Variants in NEK11 observed in about 807,000 individuals in gnomAD.
NEK11 encodes NIMA related kinase 11.
NEK11 carries 72 observed loss-of-function variants against 80.7 expected under a neutral mutation model. That is an observed-to-expected ratio of 0.89 (90% CI 0.74 to 1.08). The LOEUF (loss-of-function observed/expected upper bound fraction) is 1.08. NEK11 is among the 50% of genes least tolerant of loss of function. The probability of loss-of-function intolerance (pLI) is 0.00; values close to 1 mark genes in which losing one functional copy is unlikely to be tolerated. For synonymous variants in NEK11, 251 were observed against 260.7 expected (o/e 0.96, Z 0.36); for missense variants, 764 against 763.6 (o/e 1.00, Z -0.01).
chr3:131,056,982 A>G (rs1469572930), intron 3 of NEK11, among the ~76,000 whole-genome samples: 2 of 149,916 alleles, frequency 1.3e-5, no homozygotes, highest in Non-Finnish European at 3.0e-5. Context: ...GGTGTGCTGC[A>G]CCCATTAACT....
intron 14 of NEK11, among the ~76,000 whole-genome samples, chr3:131,174,150 A>C (rs2092866901): frequency 6.6e-6 from 1 of 152,210 alleles, no homozygotes; most frequent in South Asian, 2.1e-4. Context: ...GCTATTGTGA[A>C]TAGTGCTATA....
intron 16 of NEK11, among the ~76,000 whole-genome samples, chr3:131,263,042 T>A (rs1217154226): frequency 6.6e-6 from 1 of 152,182 alleles, no homozygotes; most frequent in Non-Finnish European, 1.5e-5. Context: ...ATGTGCCACA[T>A]TTTTTTAAAT....
intron 17 of NEK11, among the ~76,000 whole-genome samples, chr3:131,334,033 C>T (rs1160222594): frequency 6.6e-6 from 1 of 152,104 alleles, no homozygotes; most frequent in Non-Finnish European, 1.5e-5. Context: ...ACTTTAACAC[C>T]CCACTGTCAA....
intron 5 of NEK11, among the ~76,000 whole-genome samples, chr3:131,110,347 T>C (rs2079906161): frequency 6.6e-6 from 1 of 152,150 alleles, no homozygotes; most frequent in Non-Finnish European, 1.5e-5. Flanking sequence ...TTAGCTAGGT[T>C]CACATCCCAA....
At chr3:131,168,501 C>T (rs1202627795) in intron 12 of NEK11, among the ~76,000 whole-genome samples, 4 of 150,124 alleles carry the variant, frequency 2.7e-5, no homozygotes, top group East Asian at 2.0e-4. Flanking sequence ...GGACTACAGG[C>T]GCCCGCCACT....
chr3:131,210,777 C>T (rs907593878), intron 14 of NEK11, among the ~76,000 whole-genome samples: 1 of 152,164 alleles, frequency 6.6e-6, no homozygotes, highest in Non-Finnish European at 1.5e-5. Flanking sequence ...TCTGTTTTAT[C>T]AGAAACTAAG....
At chr3:131,063,842 C>T (rs1242307556) in intron 3 of NEK11, among the ~76,000 whole-genome samples, 1 of 152,098 alleles carries the variant, frequency 6.6e-6, no homozygotes, top group East Asian at 1.9e-4. Context: ...ACCCAAAAGA[C>T]ATAAAAACAT....
chr3:131,191,270 G>A (rs2093782986), intron 14 of NEK11, among the ~76,000 whole-genome samples: 1 of 152,154 alleles, frequency 6.6e-6, no homozygotes, highest in Admixed American at 6.6e-5. Flanking sequence ...GAGATTAAAA[G>A]TCCAAGATTG....
At chr3:131,263,745 G>A (rs1297446967) in intron 16 of NEK11, among the ~76,000 whole-genome samples, 1 of 152,126 alleles carries the variant, frequency 6.6e-6, no homozygotes, top group Non-Finnish European at 1.5e-5. Flanking sequence ...TGGGGTCACT[G>A]GGTCAAATGG....
At chr3:131,150,491 G>A (rs1230898478) in intron 7 of NEK11, among the ~76,000 whole-genome samples, 3 of 151,608 alleles carry the variant, frequency 2.0e-5, no homozygotes, top group South Asian at 2.1e-4. Context: ...TATTCCTGGT[G>A]GTTTGTTTTA....
intron 15 of NEK11, among the ~76,000 whole-genome samples, chr3:131,236,508 A>G (rs1013568292): frequency 6.6e-6 from 1 of 152,346 alleles, no homozygotes; most frequent in Non-Finnish European, 1.5e-5. Context: ...GAACCTGGGC[A>G]TTAATAAGAG....
chr3:131,316,120 C>T (rs999200439), intron 17 of NEK11, among the ~76,000 whole-genome samples: 8 of 152,172 alleles, frequency 5.3e-5, no homozygotes, highest in Middle Eastern at 6.8e-3. Context: ...ACATATGATT[C>T]AAACAGCCTA....
chr3:131,047,654 C>T (rs1037847656), intron 3 of NEK11, among the ~76,000 whole-genome samples: 1 of 152,174 alleles, frequency 6.6e-6, no homozygotes, highest in Non-Finnish European at 1.5e-5. Context: ...GCCCTGGATC[C>T]CAGCACCTGC....
At chr3:131,280,474 T>C (rs2096378938) in intron 17 of NEK11, among the ~76,000 whole-genome samples, 1 of 152,196 alleles carries the variant, frequency 6.6e-6, no homozygotes, top group South Asian at 2.1e-4. Flanking sequence ...TCTAATCTAC[T>C]GTTAATCTCA....
chr3:131,168,071 C>T (rs2092387756), intron 12 of NEK11, among the ~76,000 whole-genome samples: 1 of 152,218 alleles, frequency 6.6e-6, no homozygotes, highest in African/African-American at 2.4e-5. Context: ...GACTGGATGG[C>T]TCAGCATCGC....
chr3:131,065,316 C>A (rs2071717399), intron 3 of NEK11, among the ~76,000 whole-genome samples: 1 of 152,192 alleles, frequency 6.6e-6, no homozygotes, highest in African/African-American at 2.4e-5. Flanking sequence ...ATTCCTAGCA[C>A]ATTTTCACAA....
At chr3:131,144,265 A>G (rs1215301954) in intron 7 of NEK11, among the ~76,000 whole-genome samples, 1 of 152,094 alleles carries the variant, frequency 6.6e-6, no homozygotes, top group African/African-American at 2.4e-5. Context: ...GCTTGTATTC[A>G]TACTCCCTCA....
At chr3:131,207,129 G>A (rs911242470) in intron 14 of NEK11, among the ~76,000 whole-genome samples, 1 of 152,162 alleles carries the variant, frequency 6.6e-6, no homozygotes, top group African/African-American at 2.4e-5. Flanking sequence ...ATAAACATAT[G>A]CGCACATGTG....
At chr3:131,255,395 C>T (rs1048996598) in intron 16 of NEK11, among the ~76,000 whole-genome samples, 1 of 152,156 alleles carries the variant, frequency 6.6e-6, no homozygotes, top group Non-Finnish European at 1.5e-5. Flanking sequence ...AAGCACTCTC[C>T]TTGTTTGTTA....
Sources: allele counts gnomAD v4.1 joint callset (sites outside exome capture counted in the v4.1 genomes callset), GRCh38; gene constraint gnomAD v4.1.1; transcripts MANE v1.5; gene names NCBI Gene and HGNC (gene_info 2026-07-23, HGNC 2026-07-21).